The following ANO3 variants were observed in gnomAD, a reference collection of about 807,000 sequenced individuals.
ANO3 encodes anoctamin 3.
ANO3 carries 99 observed loss-of-function variants against 144.8 expected under a neutral mutation model. The observed-to-expected ratio is 0.68, with a 90% CI of 0.58 to 0.81. The LOEUF (loss-of-function observed/expected upper bound fraction) is 0.81. ANO3 is among the 30% of genes least tolerant of loss of function. The pLI is 0.00. For synonymous variants in ANO3, 414 were observed against 392.6 expected (o/e 1.05, Z -0.64); for missense variants, 905 against 1,202.2 (o/e 0.75, Z 3.66).
At chr11:26,636,479 C>T (rs1300586886) in intron 20 of ANO3, among the ~76,000 whole-genome samples, 1 of 152,162 alleles carries the variant, frequency 6.6e-6, no homozygotes, top group Admixed American at 6.5e-5. Context: ...TTACTACATG[C>T]TAGTGTACTC....
rs771811151 is a variant in ANO3, at chr11:26,598,393, G to A, written c.1476G>A (p.Arg492=). 3 of 1,564,472 alleles carry A rather than the reference G, an allele frequency of 1.9e-6. No individual in the cohort carries two copies. The highest frequency in any genetic ancestry group is 2.6e-6 in the Non-Finnish European group (3 of 1,156,610). The change falls in exon 15 of 27, where the codon AGG becomes AGA. Residue 492 remains arginine, a synonymous_variant. Coordinates refer to ENST00000256737, the MANE Select transcript of ANO3 (RefSeq NM_031418.4). ...CAGTCTTCCTGGAGTTTTGGAAAAG[G>A]AGAAGGAGTATACTGACCTATACTT... is the stretch of plus-strand genomic sequence containing the variant. ...WATVFLEFWK[R]RRSILTYTWD...
At chr11:26,284,505 T>C (rs1176472575) in intron 1 of ANO3, among the ~76,000 whole-genome samples, 1 of 152,186 alleles carries the variant, frequency 6.6e-6, no homozygotes, top group Non-Finnish European at 1.5e-5. Context: ...TATATGTATA[T>C]GAAATCAGAG....
intron 14 of ANO3, among the ~76,000 whole-genome samples, chr11:26,568,478 T>TC (rs879862644): frequency 2.1e-4 from 32 of 151,930 alleles, no homozygotes; most frequent in Non-Finnish European, 4.6e-4. Flanking sequence ...CATAGTTTTT[T>TC]TTTTTAATAC....
At chr11:26,450,372 A>G (rs1858883344) in intron 3 of ANO3, among the ~76,000 whole-genome samples, 1 of 152,120 alleles carries the variant, frequency 6.6e-6, no homozygotes, top group Admixed American at 6.5e-5. Context: ...CAGTACCCTC[A>G]TTGCTACTGG....
At chr11:26,659,781 T>C (rs1853820938) in intron 26 of ANO3, among the ~76,000 whole-genome samples, 2 of 152,174 alleles carry the variant, frequency 1.3e-5, no homozygotes, top group Admixed American at 6.5e-5. Flanking sequence ...AAAGCAGCTA[T>C]GATGATATAT....
intron 1 of ANO3, among the ~76,000 whole-genome samples, chr11:26,343,093 C>A (rs1302481665): frequency 6.6e-6 from 1 of 152,172 alleles, no homozygotes; most frequent in East Asian, 1.9e-4. Flanking sequence ...ACTCATCTTA[C>A]ATAACTGAAA....
upstream of ANO3, among the ~76,000 whole-genome samples, chr11:26,307,310 C>G (rs1436620566): frequency 6.6e-6 from 1 of 152,018 alleles, no homozygotes; most frequent in Admixed American, 6.6e-5. Context: ...GCTAAGATTG[C>G]GTCATTGCAC....
rs1374596745 is a variant in ANO3, at chr11:26,222,830, G to A, written c.154+33500G>A. On this transcript the variant is annotated intron_variant, in intron 1 of 27. Coordinates refer to the ANO3 transcript ENST00000672621. ...GTGGGGATGAGCCTCTCAGGGTGGT[G>A]TAGGGCAGTGGGATCCTGGGCCTGG... Among the ~76,000 whole-genome samples, 13 of 152,188 alleles carry A rather than the reference G, an allele frequency of 8.5e-5. No homozygotes were observed. The East Asian group carries it at 2.5e-3, about 29-fold the overall frequency.
chr11:26,212,894 C>T (rs756223923), intron 1 of ANO3, among the ~76,000 whole-genome samples: 11 of 152,072 alleles, frequency 7.2e-5, no homozygotes, highest in Admixed American at 3.3e-4. Context: ...AAAATCTTGG[C>T]GAATCAAATC....
intron 3 of ANO3, among the ~76,000 whole-genome samples, chr11:26,455,120 C>G (rs1370388474): frequency 6.6e-6 from 1 of 151,924 alleles, no homozygotes; most frequent in Non-Finnish European, 1.5e-5. Context: ...CAATATCATA[C>G]TGAATGGGCA....
intron 1 of ANO3, among the ~76,000 whole-genome samples, chr11:26,376,554 C>A (rs1856415481): frequency 6.6e-6 from 1 of 152,072 alleles, no homozygotes; most frequent in Admixed American, 6.6e-5. Flanking sequence ...GAAGGCATCA[C>A]TGCCTGCAAC....
At chr11:26,590,597 A>G (rs1249282953) in intron 14 of ANO3, among the ~76,000 whole-genome samples, 2 of 152,188 alleles carry the variant, frequency 1.3e-5, no homozygotes, top group East Asian at 3.9e-4. Context: ...GGTGAGTGCT[A>G]TAGCTCTATT....
chr11:26,600,515 A>C (rs1439519091), intron 17 of ANO3, among the ~76,000 whole-genome samples: 24 of 38,828 alleles, frequency 6.2e-4, no homozygotes, highest in East Asian at 1.1e-3. Flanking sequence ...TCCTCTTCCC[A>C]TCTCTCCTCT....
intron 1 of ANO3, among the ~76,000 whole-genome samples, chr11:26,259,893 G>T (rs1426734956): frequency 2.0e-5 from 3 of 151,954 alleles, no homozygotes; most frequent in Non-Finnish European, 4.4e-5. Context: ...TATGGTGTTG[G>T]TCCCTCATGG....
intron 1 of ANO3, among the ~76,000 whole-genome samples, chr11:26,228,222 T>A (rs1305783667): frequency 6.6e-6 from 1 of 152,240 alleles, no homozygotes; most frequent in Non-Finnish European, 1.5e-5. Context: ...TACTGCTCTG[T>A]TTTTATGGCT....
intron 5 of ANO3, among the ~76,000 whole-genome samples, chr11:26,513,105 C>T (rs375773): frequency 0.67 from 102,231 of 151,632 alleles, 34,658 homozygotes; most frequent in East Asian, 0.83. Context: ...AGGCAAGAAC[C>T]GACAAGAACT....
intron 17 of ANO3, among the ~76,000 whole-genome samples, chr11:26,606,132 T>C (rs1249542416): frequency 6.6e-6 from 1 of 152,218 alleles, no homozygotes; most frequent in Non-Finnish European, 1.5e-5. Context: ...TTCTTGTATG[T>C]TGTGTCTTTG....
intron 4 of ANO3, among the ~76,000 whole-genome samples, chr11:26,471,902 C>A (rs1242150908): frequency 1.3e-5 from 2 of 151,930 alleles, no homozygotes; most frequent in African/African-American, 4.8e-5. Context: ...CTCGAATCAC[C>A]AATTTGTTTT....
chr11:26,643,398 G>T (rs1259469506), intron 23 of ANO3, 64 bp downstream of exon 23: 1 of 1,576,714 alleles, frequency 6.3e-7, no homozygotes, highest in Admixed American at 1.8e-5. Context: ...TGGTTTGAGT[G>T]TGCCCCCAGA....
Sources: gnomAD v4.1 joint callset for allele counts (sites outside exome capture counted in the v4.1 genomes callset) on GRCh38, gnomAD v4.1.1 for gene constraint, MANE v1.5 for transcripts, NCBI Gene and HGNC (gene_info 2026-07-23, HGNC 2026-07-21) for gene names.